SUGCT: variants seen among roughly 807,000 people sequenced by gnomAD.
SUGCT encodes the protein succinyl-CoA:glutarate CoA-transferase.
Under a neutral mutation model 55.0 loss-of-function variants are expected in SUGCT, and 41 were observed. That is an observed-to-expected ratio of 0.74 (90% CI 0.58 to 0.97). SUGCT has a LOEUF of 0.97. SUGCT is among the 50% of genes least tolerant of loss of function. SUGCT has a pLI of 0.00. For missense variants in SUGCT, 568 were observed against 547.8 expected (o/e 1.04, Z -0.37); for synonymous variants, 187 against 200.4 (o/e 0.93, Z 0.56).
intron 12 of SUGCT, among the ~76,000 whole-genome samples, chr7:40,582,820 A>T (rs1797175043): frequency 6.6e-6 from 1 of 152,192 alleles, no homozygotes; most frequent in African/African-American, 2.4e-5. Context: ...GCACATAGTC[A>T]GTATATATTA....
At chr7:40,242,918 TATATATATATA>T in intron 7 of SUGCT, among the ~76,000 whole-genome samples, 2 of 26,000 alleles carry the variant, frequency 7.7e-5, no homozygotes, top group Non-Finnish European at 8.2e-5. Context: ...TATATATATA[TATATATATATA>T]TATATTTTTT....
the SUGCT span, among the ~76,000 whole-genome samples, chr7:40,915,220 G>T: frequency 2.6e-5 from 4 of 152,228 alleles, no homozygotes; most frequent in Middle Eastern, 0.014. Flanking sequence ...ATTGCTCTGG[G>T]CAGTACAAAG....
intron 7 of SUGCT, among the ~76,000 whole-genome samples, chr7:40,256,225 T>C (rs1038526643): frequency 6.6e-6 from 1 of 152,154 alleles, no homozygotes; most frequent in African/African-American, 2.4e-5. Context: ...CCCCTGACAT[T>C]TTTGGGTTGT....
intron 9 of SUGCT, among the ~76,000 whole-genome samples, chr7:40,363,859 G>C (rs567825501): frequency 3.3e-5 from 5 of 152,238 alleles, no homozygotes; most frequent in African/African-American, 1.2e-4. Flanking sequence ...TTCAATTCCT[G>C]GGTATCCTTG....
chr7:40,923,919 C>T, the SUGCT span, among the ~76,000 whole-genome samples: 1 of 152,108 alleles, frequency 6.6e-6, no homozygotes, highest in Admixed American at 6.6e-5. Flanking sequence ...TGTTTGTGTC[C>T]CCCACAAATT....
At chr7:40,781,750 TGAATTAGCA>T in intron 13 of SUGCT, among the ~76,000 whole-genome samples, 1 of 152,318 alleles carries the variant, frequency 6.6e-6, no homozygotes, top group Non-Finnish European at 1.5e-5. Flanking sequence ...TTCTTATCAC[TGAATTAGCA>T]GACTCTACCA....
At chr7:40,993,509 C>T in the SUGCT span, among the ~76,000 whole-genome samples, 1 of 152,196 alleles carries the variant, frequency 6.6e-6, no homozygotes, top group Admixed American at 6.5e-5. Context: ...GAAAGGCTTT[C>T]TGTGTCACTG....
At chr7:40,576,540 C>G (rs187665091) in intron 12 of SUGCT, among the ~76,000 whole-genome samples, 2 of 152,162 alleles carry the variant, frequency 1.3e-5, no homozygotes, top group Admixed American at 1.3e-4. Flanking sequence ...TGCAGACTTA[C>G]GCATGTGAAA....
intron 12 of SUGCT, among the ~76,000 whole-genome samples, chr7:40,612,540 T>C (rs1472846407): frequency 6.6e-6 from 1 of 152,150 alleles, no homozygotes; most frequent in Non-Finnish European, 1.5e-5. Flanking sequence ...GGTATCAAGA[T>C]TAAGAGGACA....
chr7:40,564,111 C>T (rs1315317963), intron 12 of SUGCT, among the ~76,000 whole-genome samples: 3 of 152,172 alleles, frequency 2.0e-5, no homozygotes, highest in African/African-American at 2.4e-5. Context: ...CCATGGCTCA[C>T]GCCTGTAATC....
chr7:40,320,306 A>C (rs982923771), intron 9 of SUGCT, among the ~76,000 whole-genome samples: 1 of 151,924 alleles, frequency 6.6e-6, no homozygotes, highest in African/African-American at 2.4e-5. Flanking sequence ...GGGTTTCTCC[A>C]TGTTGGCCAG....
chr7:40,510,251 T>C (rs1792848429), intron 12 of SUGCT, among the ~76,000 whole-genome samples: 1 of 152,166 alleles, frequency 6.6e-6, no homozygotes, highest in African/African-American at 2.4e-5. Flanking sequence ...ATTCTGTTTT[T>C]TTATTAAAAT....
chr7:40,804,494 A>G (rs1053655552), intron 13 of SUGCT, among the ~76,000 whole-genome samples: 4 of 152,154 alleles, frequency 2.6e-5, no homozygotes, highest in Admixed American at 2.0e-4. Flanking sequence ...ATCTGTTTAT[A>G]TCTACGAGTT....
chr7:40,903,305 G>A, the SUGCT span, among the ~76,000 whole-genome samples: 5 of 152,272 alleles, frequency 3.3e-5, no homozygotes, highest in South Asian at 6.2e-4. Flanking sequence ...ATCACTTGAG[G>A]GACAGCTCTC....
intron 13 of SUGCT, among the ~76,000 whole-genome samples, chr7:40,803,936 A>G (rs1278942286): frequency 3.9e-5 from 6 of 152,192 alleles, no homozygotes; most frequent in Admixed American, 3.9e-4. Flanking sequence ...AACGATTTAT[A>G]TTACTTTTCT....
intron 12 of SUGCT, among the ~76,000 whole-genome samples, chr7:40,649,235 G>T (rs1375800993): frequency 6.6e-6 from 1 of 151,976 alleles, no homozygotes; most frequent in East Asian, 1.9e-4. Flanking sequence ...GATTCAAACA[G>T]CAGTATTTGA....
chr7:40,825,580 A>C (rs1792271409), intron 13 of SUGCT, among the ~76,000 whole-genome samples: 1 of 152,132 alleles, frequency 6.6e-6, no homozygotes, highest in Non-Finnish European at 1.5e-5. Flanking sequence ...CAAAGTCCTA[A>C]CCCCTCCACA....
intron 13 of SUGCT, among the ~76,000 whole-genome samples, chr7:40,825,636 T>G (rs968412559): frequency 1.2e-4 from 19 of 152,312 alleles, no homozygotes; most frequent in South Asian, 8.3e-4. Context: ...GTGCTCACTT[T>G]GAAGAAGATG....
chr7:40,887,963 G>A, the SUGCT span, among the ~76,000 whole-genome samples: 1 of 151,316 alleles, frequency 6.6e-6, no homozygotes, highest in African/African-American at 2.4e-5. Flanking sequence ...GGCTCACTAT[G>A]GCAGGTGTGG....
Sources: allele counts gnomAD v4.1 joint callset (sites outside exome capture counted in the v4.1 genomes callset), GRCh38; gene constraint gnomAD v4.1.1; transcripts MANE v1.5; gene names NCBI Gene and HGNC (gene_info 2026-07-23, HGNC 2026-07-21).